The following KREMEN1 variants were observed in gnomAD, a reference collection of about 807,000 sequenced individuals.
KREMEN1 encodes the protein kringle containing transmembrane protein 1, also known as kremen protein 1.
A neutral mutation model predicts 46.5 loss-of-function variants in KREMEN1; 30 were observed. That is an observed-to-expected ratio of 0.65 (90% CI 0.48 to 0.88). The LOEUF (loss-of-function observed/expected upper bound fraction) is 0.88. Among genes scored for constraint, KREMEN1 ranks in the 40% least tolerant of loss-of-function variants. The pLI is 0.00. For missense variants in KREMEN1, 533 were observed against 596.9 expected, an observed-to-expected ratio of 0.89 and a Z score of 1.11; for synonymous variants, 214 against 230.6, an observed-to-expected ratio of 0.93 and a Z score of 0.65.
chr22:29,127,210 A>G (rs1489366341), intron 5 of KREMEN1, among the ~76,000 whole-genome samples: 1 of 152,220 alleles, frequency 6.6e-6, no homozygotes, highest in Non-Finnish European at 1.5e-5. Flanking sequence ...CTCATTTCAC[A>G]GAAGACAGCC....
chr22:29,085,930 C>A (rs2037721072), intron 1 of KREMEN1, among the ~76,000 whole-genome samples: 1 of 150,760 alleles, frequency 6.6e-6, no homozygotes, highest in East Asian at 2.0e-4. Context: ...ATGATTGCTC[C>A]ACTGAACTCC....
Position 29,144,912 on chromosome 22 carries a change from C to T in KREMEN1, c.*2800C>T, listed in dbSNP as rs528316511. On this transcript the variant is annotated 3_prime_UTR_variant, in exon 9 of 9. Coordinates refer to ENST00000400335, the MANE Select transcript of KREMEN1 (RefSeq NM_001039570.3). The stretch of plus-strand genomic sequence containing the variant: ...CTGGGAGGTGCTGGGGATGCCCCAG[C>T]GCTTCTCTTCCTGCCTCGCCCTGGC... The T allele has an allele frequency of 1.9e-5, 19 of 985,542 alleles. No homozygotes were observed. The East Asian group carries it at 5.7e-4, about 29-fold the overall frequency. The allele number at this position is 985,542 out of a possible 1,614,324, so 61.0% of individuals were successfully genotyped here.
Position 29,162,712 on chromosome 22 carries a change from C to T in KREMEN1, c.1417-4332C>T, listed in dbSNP as rs369939911. ...GGGCAACAAGAGCAAAACTCCGTCA[C>T]ACAAAAAAAAAGAAAAAAAGAAAAA... On this transcript the variant is annotated intron_variant, in intron 9 of 9. Coordinates refer to the KREMEN1 transcript ENST00000327813. Among the ~76,000 whole-genome samples, 10 of 149,154 alleles carry T rather than the reference C, an allele frequency of 6.7e-5. No homozygotes were observed. In the East Asian group the frequency reaches 1.8e-3, roughly 26 times the overall value.
intron 4 of KREMEN1, 65 bp from the exon 5 acceptor site, chr22:29,125,198 G>A (rs2038421554): frequency 1.3e-6 from 2 of 1,577,370 alleles, no homozygotes; most frequent in South Asian, 2.3e-5. Flanking sequence ...CACCCTGCCA[G>A]GCTCCTTCAG....
chr22:29,085,241 A>G (rs1430224332), intron 1 of KREMEN1, among the ~76,000 whole-genome samples: 3 of 152,238 alleles, frequency 2.0e-5, no homozygotes, highest in Non-Finnish European at 4.4e-5. Flanking sequence ...TTAGGACACA[A>G]ATAGAGAAGA....
In KREMEN1 at chr22:29,104,005, T is replaced by C. The variant is rs191360443; in HGVS notation, c.352+5052T>C. Among the ~76,000 whole-genome samples, 132 of 152,270 alleles carry C rather than the reference T, an allele frequency of 8.7e-4. 1 individual carries two copies. The highest frequency in any genetic ancestry group is 2.9e-3 in the African/African-American group (122 of 41,550). On this transcript the variant is annotated intron_variant, in intron 3 of 8. Coordinates refer to ENST00000400335, the MANE Select transcript of KREMEN1 (RefSeq NM_001039570.3). Reference sequence around the variant, plus strand: ...TTATTTGTTGATGCTGGGTGATGGGTTCATTATTCTTTCCCACTTTTGTGT... The same window carrying C: ...TTATTTGTTGATGCTGGGTGATGGGCTCATTATTCTTTCCCACTTTTGTGT...
chr22:29,143,720 T>A lies in KREMEN1; in HGVS notation c.*1608T>A. ...TCACGCCACTGCACTCCAGCCTGGGTGACAGTGCAAGACTCTGTCTCAAAA... is the reference window on the plus strand; with the variant it reads ...TCACGCCACTGCACTCCAGCCTGGGAGACAGTGCAAGACTCTGTCTCAAAA... On this transcript the variant is annotated 3_prime_UTR_variant, in exon 9 of 9. Coordinates refer to ENST00000400335, the MANE Select transcript of KREMEN1 (RefSeq NM_001039570.3). 7.2e-6 allele frequency: 7 copies of A among 965,610 alleles called. No individual in the cohort carries two copies. Among genetic ancestry groups the A allele is most frequent in the South Asian group, 4.8e-5 (1 of 20,816 alleles). The allele number at this position is 965,610 out of a possible 1,614,324, so 59.8% of individuals were successfully genotyped here. A position where few individuals can be genotyped will look rare whatever the true frequency, so the allele number is the denominator to read the frequency against.
chr22:29,128,000 G>C (rs1166657907), intron 5 of KREMEN1, among the ~76,000 whole-genome samples: 1 of 152,162 alleles, frequency 6.6e-6, no homozygotes, highest in African/African-American at 2.4e-5. Context: ...CATATTTTAT[G>C]ATCTCATTTA....
At position 29,121,113 on chromosome 22, in the gene KREMEN1, A is replaced by T. The variant is rs1344120491; in HGVS notation, c.353-244A>T. On this transcript the variant is annotated intron_variant, in intron 3 of 8. Coordinates refer to ENST00000400335, the MANE Select transcript of KREMEN1 (RefSeq NM_001039570.3). ...ATATTAAACAGTTTTTTTTTTTTTT[A>T]AATACGTATTCGGTTAGTTAAATGT... 2.8e-4 allele frequency among the ~76,000 whole-genome samples: 36 copies of T among 128,104 alleles called. No homozygotes were observed. In the Middle Eastern group the frequency reaches 0.012, roughly 42 times the overall value. The allele number at this position is 128,104 out of a possible 152,430, so 84.0% of individuals were successfully genotyped here. A position where few individuals can be genotyped will look rare whatever the true frequency, so the allele number is the denominator to read the frequency against.
intron 1 of KREMEN1, among the ~76,000 whole-genome samples, chr22:29,089,527 C>G (rs1461491530): frequency 6.6e-6 from 1 of 152,212 alleles, no homozygotes; most frequent in African/African-American, 2.4e-5. Context: ...TTCTCCCTGC[C>G]TAGGTCCTGC....
chr22:29,105,464 C>CGCACACACACACAT (rs2038042835), intron 3 of KREMEN1, among the ~76,000 whole-genome samples: 1 of 122,340 alleles, frequency 8.2e-6, no homozygotes. Flanking sequence ...TGCGTGTGCG[C>CGCACACACACACAT]ACACACACAC....
Position 29,092,907 on chromosome 22 carries a change from G to A in KREMEN1, c.98-1351G>A, listed in dbSNP as rs553858649. The stretch of plus-strand genomic sequence containing the variant: ...GGAGAATCGCTTGAACCTGGGAGGC[G>A]GAGGTTGTGGTGAGCCAAGATTGCA... On this transcript the variant is annotated intron_variant, in intron 1 of 8. Transcript: ENST00000400335. 3.7e-3 allele frequency among the ~76,000 whole-genome samples: 567 copies of A among 152,282 alleles called. 1 individual carries two copies. The highest frequency in any genetic ancestry group is 0.017 in the Middle Eastern group (5 of 294).
At chr22:29,149,479 G>A (rs1024391014), downstream of KREMEN1, among the ~76,000 whole-genome samples, 1 of 152,002 alleles carries the variant, frequency 6.6e-6, no homozygotes, top group African/African-American at 2.4e-5. Flanking sequence ...CCCCTTTAAA[G>A]GTCAGCTTCA....
chr22:29,086,557 C>CTTTACT (rs1251626638), intron 1 of KREMEN1, among the ~76,000 whole-genome samples: 1 of 152,168 alleles, frequency 6.6e-6, no homozygotes, highest in Non-Finnish European at 1.5e-5. Flanking sequence ...TTCCCAGGGC[C>CTTTACT]ACATGCCCCT....
At chr22:29,100,240 C>T (rs1011999888) in intron 3 of KREMEN1, among the ~76,000 whole-genome samples, 4 of 151,976 alleles carry the variant, frequency 2.6e-5, no homozygotes, top group Non-Finnish European at 4.4e-5. Context: ...CTCAGCCTCC[C>T]GAGTAGCTGG....
intron 1 of KREMEN1, among the ~76,000 whole-genome samples, chr22:29,088,330 C>T (rs1347953473): frequency 2.6e-5 from 4 of 151,660 alleles, no homozygotes; most frequent in African/African-American, 7.2e-5. Flanking sequence ...CACACACACA[C>T]GCACACACAT....
chr22:29,086,026 G>GTTT (rs10696373), intron 1 of KREMEN1, among the ~76,000 whole-genome samples: 2,288 of 142,432 alleles, frequency 0.016, 38 homozygotes, highest in African/African-American at 0.036. Flanking sequence ...GGGAGGTGAG[G>GTTT]TTTTTTTTTT....
intron 7 of KREMEN1, among the ~76,000 whole-genome samples, chr22:29,139,389 G>A (rs1482789994): frequency 6.6e-6 from 1 of 151,908 alleles, no homozygotes; most frequent in Admixed American, 6.6e-5. Context: ...ATTGCTTGAG[G>A]CCAGGAGTTC....
chr22:29,147,683 G>C (rs879111233), downstream of KREMEN1, among the ~76,000 whole-genome samples: 1 of 152,194 alleles, frequency 6.6e-6, no homozygotes, highest in South Asian at 2.1e-4. Flanking sequence ...GTAAGACCGA[G>C]GGCAAGGAAA....
Sources: allele counts gnomAD v4.1 joint callset (sites outside exome capture counted in the v4.1 genomes callset), GRCh38; gene constraint gnomAD v4.1.1; transcripts MANE v1.5; gene names NCBI Gene and HGNC (gene_info 2026-07-23, HGNC 2026-07-21).